Variants in TVP23C observed in about 807,000 individuals in gnomAD.
TVP23C encodes the protein Golgi apparatus membrane protein TVP23 homolog C.
A neutral mutation model predicts 28.7 loss-of-function variants in TVP23C; 19 were observed. That is an observed-to-expected ratio of 0.66 (90% CI 0.46 to 0.97). The LOEUF is 0.97. TVP23C is among the 50% of genes least tolerant of loss of function. The pLI, the probability that TVP23C is intolerant of heterozygous loss-of-function variation, is 0.00. For synonymous variants in TVP23C, 68 were observed against 81.7 expected (o/e 0.83, Z 0.90); for missense variants, 186 against 241.3 (o/e 0.77, Z 1.52).
intron 5 of TVP23C, chr17:15,503,665 T>C (rs927489621): frequency 3.9e-5 from 6 of 153,812 alleles, no homozygotes; most frequent in Middle Eastern, 3.4e-3. Flanking sequence ...CAAAATAAGC[T>C]AGCAGGAGAT....
intron 5 of TVP23C, chr17:15,531,029 C>G (rs529204973): frequency 6.6e-6 from 1 of 152,362 alleles, no homozygotes; most frequent in African/African-American, 2.4e-5. Flanking sequence ...AGGTGTGAGC[C>G]ACCATGCTCA....
chr17:15,551,828 T>C (rs1983905925), intron 3 of TVP23C, among the ~76,000 whole-genome samples: 1 of 152,160 alleles, frequency 6.6e-6, no homozygotes. Flanking sequence ...TTTTAGTAAG[T>C]ACATTGAGAT....
chr17:15,524,066 GTGTGT>G (rs1982614031), intron 5 of TVP23C, among the ~76,000 whole-genome samples: 7 of 40,216 alleles, frequency 1.7e-4, no homozygotes, highest in African/African-American at 8.3e-4. Context: ...AGAGTGGGGT[GTGTGT>G]GTGTGTGTGT....
Position 15,507,016 on chromosome 17 carries a change from T to A in TVP23C, c.463-3784A>T, listed in dbSNP as rs1285454378. 6 of 1,305,634 alleles carry A rather than the reference T, an allele frequency of 4.6e-6. No homozygotes were observed. The Admixed American group carries it at 8.7e-5, about 19-fold the overall frequency. The allele number at this position is 1,305,634 out of a possible 1,614,324, so 80.9% of individuals were successfully genotyped here. Reference sequence around the variant, plus strand: ...AGAGAAAGGATTTGGTTATAAGGGTTCCTGCTTTCACAGAATTATTCCAGA... The same window carrying A: ...AGAGAAAGGATTTGGTTATAAGGGTACCTGCTTTCACAGAATTATTCCAGA... On this transcript the variant is annotated intron_variant, in intron 5 of 5. Transcript: ENST00000225576.
At chr17:15,524,063 G>GTGTGT (rs1555544657) in intron 5 of TVP23C, among the ~76,000 whole-genome samples, 1 of 136,262 alleles carries the variant, frequency 7.3e-6, no homozygotes, top group Non-Finnish European at 1.6e-5. Context: ...AGCAGAGTGG[G>GTGTGT]GTGTGTGTGT....
intron 2 of TVP23C, 35 bp from the exon 3 acceptor site, chr17:15,553,864 A>G (rs770390873): frequency 4.0e-5 from 65 of 1,612,864 alleles, no homozygotes; most frequent in Admixed American, 6.7e-5. Flanking sequence ...AAATGCAATT[A>G]CATTTTACTA....
chr17:15,560,086 A>C lies in TVP23C; in HGVS notation c.12+3351T>G, dbSNP rs1984311376. ...TTTTTTTTTCTTTTTTTTGAGACGG[A>C]GTCTCGCTCTGTCGCCAGGCTGGAG... On this transcript the variant is annotated intron_variant, in intron 1 of 5. Coordinates refer to ENST00000518321, the MANE Select transcript of TVP23C (RefSeq NM_001135036.2). Among the ~76,000 whole-genome samples, 3 of 149,238 alleles carry C rather than the reference A, an allele frequency of 2.0e-5. 1 individual carries two copies. Among genetic ancestry groups the C allele is most frequent in the Admixed American group, 6.8e-5 (1 of 14,798 alleles).
At chr17:15,534,956 G>C (rs1443222301), downstream of TVP23C, among the ~76,000 whole-genome samples, 1 of 151,110 alleles carries the variant, frequency 6.6e-6, no homozygotes, top group African/African-American at 2.5e-5. Context: ...CAACAAGAGA[G>C]AAACTCCATG....
chr17:15,512,516 A>G (rs1597505562), intron 5 of TVP23C, among the ~76,000 whole-genome samples: 2 of 152,278 alleles, frequency 1.3e-5, no homozygotes, highest in East Asian at 3.9e-4. Context: ...GCAATGTTCG[A>G]AGGTTCATAA....
chr17:15,561,556 ACC>A (rs1984388856), intron 1 of TVP23C, among the ~76,000 whole-genome samples: 1 of 152,118 alleles, frequency 6.6e-6, no homozygotes, highest in South Asian at 2.1e-4. Context: ...CCGAGATCAC[ACC>A]ATTGTACTCC....
chr17:15,537,908 A>T lies in TVP23C; in HGVS notation c.*2504T>A. The T allele has an allele frequency of 7.0e-7, 1 of 1,432,284 alleles. No individual in the cohort carries two copies. Among genetic ancestry groups the T allele is most frequent in the Non-Finnish European group, 9.1e-7 (1 of 1,094,986 alleles). 88.7% of individuals were successfully genotyped at this position (1,432,284 alleles called of 1,614,324 possible). A position where few individuals can be genotyped will look rare whatever the true frequency, so the allele number is the denominator to read the frequency against. The stretch of plus-strand genomic sequence containing the variant: ...TACCTACACCACAGAACAAATCTTA[A>T]CAATGTTTCTAGTGCCAACATATAC... On this transcript the variant is annotated 3_prime_UTR_variant, in exon 6 of 6. Transcript: ENST00000518321.
rs185273415 is a variant in TVP23C at position 15,538,308 on chromosome 17, A to G, written c.*2104T>C. 4.1e-6 allele frequency: 4 copies of G among 982,960 alleles called. No individual in the cohort carries two copies. In the East Asian group the frequency reaches 4.6e-4, roughly 112 times the overall value. 60.9% of individuals were successfully genotyped at this position (982,960 alleles called of 1,614,324 possible). On this transcript the variant is annotated 3_prime_UTR_variant, in exon 6 of 6. Transcript: ENST00000518321. ...AATCACATTAAAAAGTAGACATGCT[A>G]GGCTGGGCGCCGTGGCTTACACCTG...
chr17:15,552,424 G>A (rs2150858364), intron 3 of TVP23C, among the ~76,000 whole-genome samples: 1 of 152,350 alleles, frequency 6.6e-6, no homozygotes, highest in African/African-American at 2.4e-5. Context: ...GCTCACGCCT[G>A]TAATCCCAGC....
In TVP23C at chr17:15,537,399, A is replaced by G. The variant is rs1442847093; in HGVS notation, c.*3013T>C. 15 of 984,998 alleles carry G rather than the reference A, an allele frequency of 1.5e-5. No individual in the cohort carries two copies. Among genetic ancestry groups the G allele is most frequent in the East Asian group, 2.3e-4 (2 of 8,834 alleles). The allele number at this position is 984,998 out of a possible 1,614,324, so 61.0% of individuals were successfully genotyped here. ...TAGTGGTAAAAGATCTATTAGCTCA[A>G]GGTCCACTGAAGAACTTTCAATCTA... On this transcript the variant is annotated 3_prime_UTR_variant, in exon 6 of 6. Transcript: ENST00000518321.
chr17:15,519,479 TATAC>T (rs929269178), intron 5 of TVP23C, among the ~76,000 whole-genome samples: 41 of 62,294 alleles, frequency 6.6e-4, no homozygotes, highest in Non-Finnish European at 1.5e-3. Flanking sequence ...CTCAAATAAA[TATAC>T]ACACACACAC....
At chr17:15,526,475 G>C (rs956179664) in intron 5 of TVP23C, among the ~76,000 whole-genome samples, 2 of 152,184 alleles carry the variant, frequency 1.3e-5, no homozygotes, top group Admixed American at 1.3e-4. Context: ...TCTTATGTCT[G>C]ACTGTGTCTA....
chr17:15,534,578 TACACACACACACAC>T (rs370038704), downstream of TVP23C, among the ~76,000 whole-genome samples: 21 of 125,188 alleles, frequency 1.7e-4, no homozygotes, highest in African/African-American at 7.9e-4. Context: ...CCATCACTTC[TACACACACACACAC>T]ACACACACAC....
intron 5 of TVP23C, among the ~76,000 whole-genome samples, chr17:15,545,339 T>C (rs898141527): frequency 6.6e-6 from 1 of 152,204 alleles, no homozygotes; most frequent in African/African-American, 2.4e-5. Flanking sequence ...TGGGACCTCA[T>C]GAAGAGGAGA....
chr17:15,547,663 T>C (rs1983704514), intron 3 of TVP23C, among the ~76,000 whole-genome samples: 1 of 152,172 alleles, frequency 6.6e-6, no homozygotes, highest in South Asian at 2.1e-4. Flanking sequence ...ATCTACTATG[T>C]GCTGGTAATA....
Sources: gnomAD v4.1 joint callset for allele counts (sites outside exome capture counted in the v4.1 genomes callset) on GRCh38, gnomAD v4.1.1 for gene constraint, MANE v1.5 for transcripts, NCBI Gene and HGNC (gene_info 2026-07-23, HGNC 2026-07-21) for gene names.